Variants in CDH9 observed in about 807,000 individuals in gnomAD.
CDH9 encodes the protein cadherin-9.
Under a neutral mutation model 70.9 loss-of-function variants are expected in CDH9, and 28 were observed. The ratio of observed to expected loss-of-function variants is 0.40; its 90% confidence interval spans 0.29 to 0.54. The LOEUF (loss-of-function observed/expected upper bound fraction) is 0.54. Ranked by LOEUF, CDH9 falls within the 20% of genes least tolerant of loss-of-function variation. The pLI, the probability that CDH9 is intolerant of heterozygous loss-of-function variation, is 0.59. For missense variants in CDH9, 874 were observed against 984.4 expected, an observed-to-expected ratio of 0.89 and a Z score of 1.50; for synonymous variants, 409 against 343.1, an observed-to-expected ratio of 1.19 and a Z score of -2.12.
intron 1 of CDH9, among the ~76,000 whole-genome samples, chr5:27,024,776 T>G (rs944429884): frequency 1.3e-5 from 2 of 152,098 alleles, no homozygotes; most frequent in Non-Finnish European, 2.9e-5. Flanking sequence ...ACTAAGAGCC[T>G]GAATTCTTAA....
At chr5:26,898,202 T>A (rs1740787221) in intron 7 of CDH9, among the ~76,000 whole-genome samples, 1 of 152,166 alleles carries the variant, frequency 6.6e-6, no homozygotes, top group Non-Finnish European at 1.5e-5. Context: ...AAACGTTCCA[T>A]GCTCATGGAT....
intron 1 of CDH9, among the ~76,000 whole-genome samples, chr5:27,006,821 T>G (rs1742872474): frequency 6.6e-6 from 1 of 152,076 alleles, no homozygotes; most frequent in Non-Finnish European, 1.5e-5. Flanking sequence ...TTGTCACCCT[T>G]TCATCAAATA....
At chr5:26,930,973 A>C (rs1331913496) in intron 2 of CDH9, among the ~76,000 whole-genome samples, 1 of 152,114 alleles carries the variant, frequency 6.6e-6, no homozygotes, top group Non-Finnish European at 1.5e-5. Context: ...TTGTGGTTTT[A>C]AGATAAAAGA....
chr5:26,913,394 G>A (rs1741088667), intron 3 of CDH9, among the ~76,000 whole-genome samples: 1 of 152,082 alleles, frequency 6.6e-6, no homozygotes, highest in African/African-American at 2.4e-5. Context: ...AATAACAATT[G>A]TCCTCTACAA....
At chr5:26,923,256 A>G (rs1741278925) in intron 2 of CDH9, among the ~76,000 whole-genome samples, 1 of 151,710 alleles carries the variant, frequency 6.6e-6, no homozygotes, top group African/African-American at 2.4e-5. Flanking sequence ...AACAACAAAA[A>G]GCAGGAGTAG....
intron 1 of CDH9, among the ~76,000 whole-genome samples, chr5:27,023,750 A>G (rs1246583518): frequency 6.6e-6 from 1 of 151,988 alleles, no homozygotes; most frequent in Non-Finnish European, 1.5e-5. Flanking sequence ...TAACATTTTT[A>G]TTTAAAAATA....
intron 1 of CDH9, among the ~76,000 whole-genome samples, chr5:27,007,160 A>G (rs1175076355): frequency 1.3e-5 from 2 of 152,178 alleles, no homozygotes; most frequent in African/African-American, 4.8e-5. Context: ...AGTGTCTTAC[A>G]TGAGCCAGCC....
chr5:26,939,238 G>A (rs549955740), intron 2 of CDH9, among the ~76,000 whole-genome samples: 1 of 151,376 alleles, frequency 6.6e-6, no homozygotes, highest in African/African-American at 2.4e-5. Context: ...AAAAGTTAAT[G>A]CAAAAAATAT....
Position 26,892,897 on chromosome 5 carries a change from A to AT in CDH9, c.1254-2334dup, listed in dbSNP as rs974961466. On this transcript the variant is annotated intron_variant, in intron 7 of 11. Coordinates refer to ENST00000231021, the MANE Select transcript of CDH9 (RefSeq NM_016279.4). Reference sequence around the variant, plus strand: ...AGGCGCCCACCACCATGTCCGGCTAATTTTTTTTTGTATTTTTAGTAGAGA... The same window carrying AT: ...AGGCGCCCACCACCATGTCCGGCTAATTTTTTTTTTGTATTTTTAGTAGAGA... Among the ~76,000 whole-genome samples the AT allele has an allele frequency of 4.3e-4, 65 of 150,894 alleles. 1 individual carries two copies. In the South Asian group the frequency reaches 6.9e-3, roughly 16 times the overall value.
chr5:27,000,318 C>A (rs1192385526), intron 1 of CDH9, among the ~76,000 whole-genome samples: 1 of 152,134 alleles, frequency 6.6e-6, no homozygotes, highest in Admixed American at 6.6e-5. Context: ...GATGCTATGA[C>A]ATACCTATTA....
intron 3 of CDH9, among the ~76,000 whole-genome samples, 173 bp downstream of exon 3, chr5:26,915,457 G>A (rs573312978): frequency 1.3e-5 from 2 of 152,004 alleles, no homozygotes; most frequent in South Asian, 2.1e-4. Flanking sequence ...AACATAACAG[G>A]AGAATTAAGA....
chr5:26,906,581 C>T, intron 4 of CDH9, 138 bp downstream of exon 4: 2 of 1,285,492 alleles, frequency 1.6e-6, no homozygotes, highest in East Asian at 2.6e-5. Flanking sequence ...CATTTGTTTA[C>T]ATCCAATAAT....
At chr5:26,914,777 C>T (rs1157153895) in intron 3 of CDH9, among the ~76,000 whole-genome samples, 4 of 151,952 alleles carry the variant, frequency 2.6e-5, no homozygotes, top group African/African-American at 7.2e-5. Flanking sequence ...ACACTGAAAA[C>T]TGGTTTTGAA....
chr5:26,910,919 A>G (rs531672344), intron 3 of CDH9, among the ~76,000 whole-genome samples: 3 of 152,322 alleles, frequency 2.0e-5, no homozygotes, highest in African/African-American at 4.8e-5. Context: ...GGGGGCCACT[A>G]ATAAGAGAAG....
chr5:26,998,701 G>A lies in CDH9; in HGVS notation c.-49-10319C>T, dbSNP rs564549477. On this transcript the variant is annotated intron_variant, in intron 1 of 11. Transcript: ENST00000231021. ...CATATGTAACTGACCTGCACGTTGT[G>A]CACATGTACCCTAAAACTTAAAGTA... Among the ~76,000 whole-genome samples the A allele has an allele frequency of 1.1e-4, 16 of 151,834 alleles. No individual in the cohort carries two copies. In the East Asian group the frequency reaches 2.7e-3, roughly 26 times the overall value.
intron 11 of CDH9, among the ~76,000 whole-genome samples, chr5:26,885,016 A>G (rs1216129518): frequency 2.0e-5 from 3 of 152,200 alleles, no homozygotes; most frequent in Non-Finnish European, 4.4e-5. Flanking sequence ...CCAATGCACA[A>G]CAAGTTATAT....
At chr5:26,968,767 G>T (rs954780059) in intron 2 of CDH9, among the ~76,000 whole-genome samples, 5 of 152,126 alleles carry the variant, frequency 3.3e-5, no homozygotes, top group Non-Finnish European at 7.3e-5. Flanking sequence ...GGGAGATGGT[G>T]CCATATTTAA....
intron 1 of CDH9, among the ~76,000 whole-genome samples, chr5:26,990,940 A>G (rs1289122717): frequency 6.6e-6 from 1 of 152,164 alleles, no homozygotes; most frequent in Non-Finnish European, 1.5e-5. Flanking sequence ...ATCTAGTTTT[A>G]TGAGATGGGG....
At chr5:26,928,680 T>C (rs1309245990) in intron 2 of CDH9, among the ~76,000 whole-genome samples, 3 of 151,844 alleles carry the variant, frequency 2.0e-5, no homozygotes, top group Admixed American at 1.3e-4. Context: ...AACCCAGAAA[T>C]AAATCCATAC....
Sources: gnomAD v4.1 joint callset for allele counts (sites outside exome capture counted in the v4.1 genomes callset) on GRCh38, gnomAD v4.1.1 for gene constraint, MANE v1.5 for transcripts, NCBI Gene and HGNC (gene_info 2026-07-23, HGNC 2026-07-21) for gene names.